Variants in PCDHGA6 observed in about 807,000 individuals in gnomAD.
PCDHGA6 encodes protocadherin gamma subfamily A, 6, also known as protocadherin gamma-A6.
Under a neutral mutation model 60.6 loss-of-function variants are expected in PCDHGA6, and 41 were observed. The ratio of observed to expected loss-of-function variants is 0.68; its 90% CI spans 0.53 to 0.88. PCDHGA6 has a LOEUF of 0.88. Among genes scored for constraint, PCDHGA6 ranks in the 40% least tolerant of loss-of-function variants. The pLI is 0.00. For missense variants in PCDHGA6, 1,312 were observed against 1,203.0 expected, an observed-to-expected ratio of 1.09 and a Z score of -1.34; for synonymous variants, 594 against 524.4, an observed-to-expected ratio of 1.13 and a Z score of -1.81.
At chr5:141,461,825 T>C (rs2099024418) in intron 1 of PCDHGA6, among the ~76,000 whole-genome samples, 1 of 151,778 alleles carries the variant, frequency 6.6e-6, no homozygotes, top group African/African-American at 2.4e-5. Context: ...AGCTAATTTT[T>C]TTTTCTTTTT....
chr5:141,393,720 A>G (rs371093729), intron 1 of PCDHGA6: 2 of 1,613,770 alleles, frequency 1.2e-6, no homozygotes, highest in African/African-American at 1.3e-5. Context: ...GGAAATATCA[A>G]TAGCAAAAAG....
chr5:141,420,519 A>G (rs1056198647), intron 1 of PCDHGA6: 1 of 387,066 alleles, frequency 2.6e-6, no homozygotes, highest in African/African-American at 2.1e-5. Flanking sequence ...GAAGTAAAAT[A>G]CCTTTCGGTT....
intron 1 of PCDHGA6, chr5:141,441,111 G>A (rs1457975305): frequency 1.3e-5 from 2 of 152,194 alleles, no homozygotes; most frequent in Non-Finnish European, 1.5e-5. Flanking sequence ...TCATTGTCCA[G>A]TGTACAGTTG....
intron 1 of PCDHGA6, chr5:141,484,858 T>A: frequency 4.1e-6 from 1 of 245,806 alleles, no homozygotes; most frequent in Non-Finnish European, 7.8e-6. Context: ...TTTTGGGGGG[T>A]GGGGGAGCGT....
Position 141,477,200 on chromosome 5 carries a change from C to T in PCDHGA6, c.2425-17607C>T. ...AGTCACCTCCGTGTACAGCCCAGTACCCGAGGATGCCCCTCTGGGGACTGT... is the reference window on the plus strand; with the variant it reads ...AGTCACCTCCGTGTACAGCCCAGTATCCGAGGATGCCCCTCTGGGGACTGT... On this transcript the variant is annotated intron_variant, in intron 1 of 3. Transcript: ENST00000517434. This position sits in a 1 kb window ranked among gnomAD's most constrained non-coding sequence, Gnocchi z 4.9. The T allele has an allele frequency of 1.2e-6, 2 of 1,614,206 alleles. No individual in the cohort carries two copies. The highest frequency in any genetic ancestry group is 1.3e-5 in the African/African-American group (1 of 75,056).
Position 141,486,817 on chromosome 5 carries a change from T to A in PCDHGA6, c.2425-7990T>A, listed in dbSNP as rs143638501. On this transcript the variant is annotated intron_variant, in intron 1 of 3. Transcript: ENST00000517434. The surrounding 1 kb of genome is among the most constrained non-coding windows in gnomAD (Gnocchi z 5.0). ...GGGGCAACCCACCCCTTAGCAGCAC[T>A]GTAACAGTTCGTCTATTTGTGCTGG... 1 of 1,614,102 alleles carries A rather than the reference T, an allele frequency of 6.2e-7. No homozygotes were observed. Among genetic ancestry groups the A allele is most frequent in the East Asian group, 2.2e-5 (1 of 44,898 alleles).
At chr5:141,441,849 G>A (rs1192040398) in intron 1 of PCDHGA6, 2 of 345,448 alleles carry the variant, frequency 5.8e-6, no homozygotes, top group Non-Finnish European at 1.1e-5. Context: ...TCTTGGATAT[G>A]GTGCTGCACG....
chr5:141,389,229 G>A, intron 1 of PCDHGA6: 1 of 1,614,048 alleles, frequency 6.2e-7, no homozygotes, highest in South Asian at 1.1e-5. Context: ...CAACGCTCCG[G>A]TTTTCTCACA....
At chr5:141,471,901 G>C (rs1224804131) in intron 1 of PCDHGA6, among the ~76,000 whole-genome samples, 1 of 152,146 alleles carries the variant, frequency 6.6e-6, no homozygotes, top group Non-Finnish European at 1.5e-5. Context: ...ATTGACTACA[G>C]ACAAGCATGA....
At position 141,486,478 on chromosome 5, in the gene PCDHGA6, C is replaced by T; in HGVS notation, c.2425-8329C>T. The T allele has an allele frequency of 2.5e-6, 4 of 1,614,026 alleles. No homozygotes were observed. The highest frequency in any genetic ancestry group is 3.4e-6 in the Non-Finnish European group (4 of 1,179,854). On this transcript the variant is annotated intron_variant, in intron 1 of 3. Transcript: ENST00000517434. The surrounding 1 kb of genome is among the most constrained non-coding windows in gnomAD (Gnocchi z 5.0). ...CTTCTGATGCTGGGAACCCTCCTCT[C>T]AGTACCCACAGAACTATTTTCCTCA...
intron 1 of PCDHGA6, chr5:141,419,333 A>T (rs1219255880): frequency 6.2e-7 from 1 of 1,613,804 alleles, no homozygotes; most frequent in South Asian, 1.1e-5. Context: ...CTACTCTCTC[A>T]TTGCCAGCGA....
At chr5:141,414,622 C>T in intron 1 of PCDHGA6, 1 of 1,613,956 alleles carries the variant, frequency 6.2e-7, no homozygotes. Context: ...AGCGCTGGAC[C>T]CGGACAGCAA....
intron 1 of PCDHGA6, among the ~76,000 whole-genome samples, chr5:141,481,193 A>G (rs749746998): frequency 1.3e-5 from 2 of 152,216 alleles, no homozygotes; most frequent in Admixed American, 6.5e-5. Context: ...GCCAGGCCCA[A>G]TTTTTTTAAA....
rs1458508114 is a variant in PCDHGA6, at chr5:141,489,523, C to T, written c.2425-5284C>T. ...GAATCAAAAGATTGACCGAGAAAGC[C>T]TATGTGGAGCCAGCACCAGCTGCCT... On this transcript the variant is annotated intron_variant, in intron 1 of 3. Transcript: ENST00000517434. This position sits in a 1 kb window ranked among gnomAD's most constrained non-coding sequence, Gnocchi z 4.5. The T allele has an allele frequency of 3.5e-5, 56 of 1,614,006 alleles. No homozygotes were observed. The highest frequency in any genetic ancestry group is 4.5e-5 in the Non-Finnish European group (53 of 1,180,044).
chr5:141,433,437 T>C (rs1422634356), intron 1 of PCDHGA6, among the ~76,000 whole-genome samples: 2 of 152,076 alleles, frequency 1.3e-5, no homozygotes, highest in Admixed American at 1.3e-4. Flanking sequence ...AGTCTCACTA[T>C]GTTGAGCAGG....
At position 141,410,315 on chromosome 5, in the gene PCDHGA6, C is replaced by G. The variant is rs781293010; in HGVS notation, c.2424+33808C>G. 3 of 1,614,040 alleles carry G rather than the reference C, an allele frequency of 1.9e-6. No homozygotes were observed. In the East Asian group the frequency reaches 6.7e-5, roughly 36 times the overall value. On this transcript the variant is annotated intron_variant, in intron 1 of 3. Coordinates refer to ENST00000517434, the MANE Select transcript of PCDHGA6 (RefSeq NM_018919.3). ...GGCCTTAATCTCAGTGCTCTTCCTCCTCGCCGTGATTCTGGCCATTGCCTT... is the reference window on the plus strand; with the variant it reads ...GGCCTTAATCTCAGTGCTCTTCCTCGTCGCCGTGATTCTGGCCATTGCCTT...
At position 141,487,254 on chromosome 5, in the gene PCDHGA6, C is replaced by T. The variant is rs1341564301; in HGVS notation, c.2425-7553C>T. On this transcript the variant is annotated intron_variant, in intron 1 of 3. Coordinates refer to ENST00000517434, the MANE Select transcript of PCDHGA6 (RefSeq NM_018919.3). The surrounding 1 kb of genome is among the most constrained non-coding windows in gnomAD (Gnocchi z 5.0). Reference sequence around the variant, plus strand: ...GAATCTCGTCTAACCCTCTACTTGGCTGTGTCCCTAGTGGCAATTTGCTTT... The same window carrying T: ...GAATCTCGTCTAACCCTCTACTTGGTTGTGTCCCTAGTGGCAATTTGCTTT... The T allele has an allele frequency of 1.2e-6, 2 of 1,614,126 alleles. No homozygotes were observed. Among genetic ancestry groups the T allele is most frequent in the East Asian group, 4.5e-5 (2 of 44,860 alleles).
intron 1 of PCDHGA6, chr5:141,405,210 A>G (rs752645800): frequency 1.2e-6 from 2 of 1,613,994 alleles, no homozygotes; most frequent in South Asian, 1.1e-5. Context: ...CTACAGACCT[A>G]TTCTCAGGAG....
chr5:141,384,576 G>A (rs757254740), intron 1 of PCDHGA6: 18 of 1,614,060 alleles, frequency 1.1e-5, no homozygotes, highest in South Asian at 7.7e-5. Context: ...ATGACAACCC[G>A]CCCGAGATCC....
Sources: gnomAD v4.1 joint callset for allele counts (sites outside exome capture counted in the v4.1 genomes callset) on GRCh38, gnomAD v4.1.1 for gene constraint, Gnocchi (gnomAD v3.1) non-coding constraint, MANE v1.5 for transcripts, NCBI Gene and HGNC (gene_info 2026-07-23, HGNC 2026-07-21) for gene names.